Variants in CAD observed in about 807,000 individuals in gnomAD.
CAD encodes the protein multifunctional protein CAD.
CAD carries 81 observed loss-of-function variants against 237.2 expected under a neutral mutation model. The observed-to-expected ratio is 0.34, with a 90% CI of 0.29 to 0.41. CAD has a LOEUF of 0.41. Among genes scored for constraint, CAD ranks in the 10% least tolerant of loss-of-function variants. The probability of loss-of-function intolerance (pLI) is 1.00; values close to 1 mark genes in which losing one functional copy is unlikely to be tolerated. For synonymous variants in CAD, 1,196 were observed against 1,162.8 expected, an observed-to-expected ratio of 1.03 and a Z score of -0.58; for missense variants, 2,181 against 2,951.7, an observed-to-expected ratio of 0.74 and a Z score of 6.05.
chr2:27,237,928 G>C lies in CAD; in HGVS notation c.4728+46G>C. The C allele has an allele frequency of 6.3e-7, 1 of 1,578,912 alleles. No homozygotes were observed. On this transcript the variant is annotated intron_variant, in intron 29 of 43. Transcript: ENST00000264705. This position sits in a 1 kb window ranked among gnomAD's most constrained non-coding sequence, Gnocchi z 4.0. Reference sequence around the variant, plus strand: ...AGGAGGCCACCACCCAGTGTCTCCTGGCTTGTGGGCCCCTGCCTAAGTGGG... The same window carrying C: ...AGGAGGCCACCACCCAGTGTCTCCTCGCTTGTGGGCCCCTGCCTAAGTGGG...
In CAD at chr2:27,233,033, C is replaced by G; in HGVS notation, c.2893-9C>G. 8 of 1,581,390 alleles carry G rather than the reference C, an allele frequency of 5.1e-6. No homozygotes were observed. The highest frequency in any genetic ancestry group is 7.0e-6 in the Non-Finnish European group (8 of 1,150,210). On this transcript the variant is annotated splice_polypyrimidine_tract_variant and intron_variant, in intron 18 of 43. Transcript: ENST00000264705. This position sits in a 1 kb window ranked among gnomAD's most constrained non-coding sequence, Gnocchi z 6.3. The stretch of plus-strand genomic sequence containing the variant: ...TGACTGCTAAGTACCCTTCCCCTCC[C>G]TCTTGCAGATGGGATATAAGACCAT...
At chr2:27,220,419 TG>T (rs1196421769) in intron 2 of CAD, among the ~76,000 whole-genome samples, 1 of 151,556 alleles carries the variant, frequency 6.6e-6, no homozygotes, top group African/African-American at 2.4e-5. Context: ...AAGGCTGAGG[TG>T]GGGGGATCGC....
chr2:27,222,827 A>G, intron 5 of CAD, 39 bp from the exon 6 acceptor site: 2 of 1,606,860 alleles, frequency 1.2e-6, no homozygotes, highest in Non-Finnish European at 1.7e-6. Flanking sequence ...CCTGTAATTG[A>G]AATACTGATT....
rs1572442168 is a variant in CAD at position 27,234,265 on chromosome 2, C to G, written c.3618+39C>G. The G allele has an allele frequency of 4.5e-6, 7 of 1,560,186 alleles. No individual in the cohort carries two copies. The East Asian group carries it at 1.6e-4, about 35-fold the overall frequency. On this transcript the variant is annotated intron_variant, in intron 22 of 43. Transcript: ENST00000264705. ...AGGAAAGAACTAAAGGGCCACAGCT[C>G]TTGCATGTTCTGTGCTGGCCACAGT...
rs780662519 is a variant in CAD at position 27,225,255 on chromosome 2, G to A, written c.1620+12G>A. 6.9e-7 allele frequency: 1 copy of A among 1,455,914 alleles called. No homozygotes were observed. The highest frequency in any genetic ancestry group is 9.6e-7 in the Non-Finnish European group (1 of 1,042,228). The allele number at this position is 1,455,914 out of a possible 1,614,324, so 90.2% of individuals were successfully genotyped here. ...ATTCTCTTGAACAGGTTGGAGGGGT[G>A]TTTGGGTAAAGGAAGAATGGTGGTG... On this transcript the variant is annotated intron_variant, in intron 11 of 43. Coordinates refer to ENST00000264705, the MANE Select transcript of CAD (RefSeq NM_004341.5).
At chr2:27,231,155 G>A (rs529141126) in intron 15 of CAD, among the ~76,000 whole-genome samples, 10 of 152,278 alleles carry the variant, frequency 6.6e-5, no homozygotes, top group Admixed American at 5.9e-4. Flanking sequence ...ACAGGCGCCC[G>A]CCACCACTCC....
At chr2:27,228,922 C>CCT (rs1276274352) in intron 15 of CAD, among the ~76,000 whole-genome samples, 6 of 105,976 alleles carry the variant, frequency 5.7e-5, no homozygotes, top group African/African-American at 2.1e-4. Context: ...TTTTTTTTTT[C>CCT]TTTTTTTTTT....
rs1487152512 is a variant in CAD at position 27,237,885 on chromosome 2, A to C, written c.4728+3A>C. On this transcript the variant is annotated splice_donor_region_variant and intron_variant, in intron 29 of 43. Transcript: ENST00000264705. The surrounding 1 kb of genome is among the most constrained non-coding windows in gnomAD (Gnocchi z 4.0). ...ACAGCGTGGTCCAGTGGATGGAGGTAGGGAGTGTGCATGTGGCAGGAGGCC... is the reference window on the plus strand; with the variant it reads ...ACAGCGTGGTCCAGTGGATGGAGGTCGGGAGTGTGCATGTGGCAGGAGGCC... The C allele has an allele frequency of 1.2e-6, 2 of 1,603,910 alleles. No individual in the cohort carries two copies. The highest frequency in any genetic ancestry group is 1.7e-6 in the Non-Finnish European group (2 of 1,173,506).
chr2:27,241,495 T>G lies in CAD; in HGVS notation c.5883+99T>G. ...TGGTCAGAGTGGGTCTTCCTCCCCC[T>G]GCCATCCCGTCCCCTTATGCTAGTC... On this transcript the variant is annotated intron_variant, in intron 38 of 43. Coordinates refer to ENST00000264705, the MANE Select transcript of CAD (RefSeq NM_004341.5). This position sits in a 1 kb window ranked among gnomAD's most constrained non-coding sequence, Gnocchi z 4.6. The G allele has an allele frequency of 9.1e-7, 1 of 1,096,634 alleles. No individual in the cohort carries two copies. The highest frequency in any genetic ancestry group is 1.4e-6 in the Non-Finnish European group (1 of 718,962). The allele number at this position is 1,096,634 out of a possible 1,614,324, so 67.9% of individuals were successfully genotyped here.
rs992788021 is a variant in CAD at position 27,224,524 on chromosome 2, G to A, written c.1254+34G>A. 5 of 1,606,420 alleles carry A rather than the reference G, an allele frequency of 3.1e-6. No homozygotes were observed. The African/African-American group carries it at 4.0e-5, about 13-fold the overall frequency. On this transcript the variant is annotated intron_variant, in intron 9 of 43. Coordinates refer to ENST00000264705, the MANE Select transcript of CAD (RefSeq NM_004341.5). ...TGTTCCTCCCCACCCTTCTGGGCGT[G>A]TGACCCTCAAGAATGGAAAGGGTCT...
chr2:27,218,493 A>C (rs1674985606), intron 2 of CAD, among the ~76,000 whole-genome samples: 1 of 152,178 alleles, frequency 6.6e-6, no homozygotes, highest in South Asian at 2.1e-4. Context: ...AGATGGGAGC[A>C]GTGCTTTTTA....
At position 27,239,465 on chromosome 2, in the gene CAD, T is replaced by C; in HGVS notation, c.5388T>C (p.Asp1796=). 1.2e-6 allele frequency: 2 copies of C among 1,613,632 alleles called. No individual in the cohort carries two copies. The highest frequency in any genetic ancestry group is 1.7e-6 in the Non-Finnish European group (2 of 1,179,848). The change falls in exon 33 of 44, where the codon GAT becomes GAC. Residue 1796 remains aspartate, a synonymous_variant. Coordinates refer to ENST00000264705, the MANE Select transcript of CAD (RefSeq NM_004341.5). This position sits in a 1 kb window ranked among gnomAD's most constrained non-coding sequence, Gnocchi z 4.0. Reference sequence around the variant, plus strand: ...TGCGAGGGGAGGTTGCCTATATCGATGGGCAGGTACGCAAGTAGCCCCTGC... The same window carrying C: ...TGCGAGGGGAGGTTGCCTATATCGACGGGCAGGTACGCAAGTAGCCCCTGC... The part of the protein sequence containing the change: ...VVLRGEVAYI[D]GQVLVPPGYG...
At chr2:27,229,975 C>T (rs371355795) in intron 15 of CAD, among the ~76,000 whole-genome samples, 8 of 151,808 alleles carry the variant, frequency 5.3e-5, no homozygotes, top group East Asian at 1.9e-4. Flanking sequence ...CAGTGGCACA[C>T]GCCTGTAATC....
rs1676198314 is a variant in CAD, at chr2:27,239,599, C to G, written c.5395-98C>G. On this transcript the variant is annotated intron_variant, in intron 33 of 43. Coordinates refer to ENST00000264705, the MANE Select transcript of CAD (RefSeq NM_004341.5). The surrounding 1 kb of genome is among the most constrained non-coding windows in gnomAD (Gnocchi z 4.0). ...TGCCCTGGACCAGGGGTTGGGGGCA[C>G]AGCTCCCCCAAGGTGCTTTTTGTCC... The G allele has an allele frequency of 3.4e-6, 5 of 1,484,052 alleles. No homozygotes were observed. Among genetic ancestry groups the G allele is most frequent in the Non-Finnish European group, 1.9e-6 (2 of 1,079,910 alleles). The allele number at this position is 1,484,052 out of a possible 1,614,324, so 91.9% of individuals were successfully genotyped here.
chr2:27,225,732 T>C lies in CAD; in HGVS notation c.1648T>C (p.Tyr550His), dbSNP rs762543239. The C allele has an allele frequency of 2.5e-6, 4 of 1,613,924 alleles. No individual in the cohort carries two copies. Among genetic ancestry groups the C allele is most frequent in the Admixed American group, 1.7e-5 (1 of 60,020 alleles). ...CCAGGCAGCCGCTGAACGGCTGGGG[T>C]ACCCTGTGCTAGTGCGTGCAGCCTT... ...QAQAAAERLG[Y>H]PVLVRAAFAL... is the part of the protein sequence containing the mutation. The change falls in exon 12 of 44, where the codon TAC becomes CAC. Residue 550 changes from tyrosine to histidine, a missense_variant. Physicochemically the swap from Tyr to His is moderately conservative, Grantham distance 83. Coordinates refer to ENST00000264705, the MANE Select transcript of CAD (RefSeq NM_004341.5).
At position 27,232,854 on chromosome 2, in the gene CAD, G is replaced by A. The variant is rs878997231; in HGVS notation, c.2892+160G>A. Among the ~76,000 whole-genome samples the A allele has an allele frequency of 6.6e-6, 1 of 152,074 alleles. No individual in the cohort carries two copies. The highest frequency in any genetic ancestry group is 1.5e-5 in the Non-Finnish European group (1 of 68,012). ...TTAGGCCATCTCTCATGCCCCACACGGTATATGAATCTCTTCCCCAACACT... is the reference window on the plus strand; with the variant it reads ...TTAGGCCATCTCTCATGCCCCACACAGTATATGAATCTCTTCCCCAACACT... On this transcript the variant is annotated intron_variant, in intron 18 of 43. Coordinates refer to ENST00000264705, the MANE Select transcript of CAD (RefSeq NM_004341.5). The surrounding 1 kb of genome is among the most constrained non-coding windows in gnomAD (Gnocchi z 4.1).
chr2:27,241,403 A>T lies in CAD; in HGVS notation c.5883+7A>T, dbSNP rs554841982. ...GAGCCTCGACATCCTGAAGGTCAGG[A>T]TCAGGGCCGGGGGTAGGGTCCAGGC... On this transcript the variant is annotated splice_region_variant and intron_variant, in intron 38 of 43. Transcript: ENST00000264705. This position sits in a 1 kb window ranked among gnomAD's most constrained non-coding sequence, Gnocchi z 4.6. The T allele has an allele frequency of 6.2e-7, 1 of 1,614,060 alleles. No individual in the cohort carries two copies. Among genetic ancestry groups the T allele is most frequent in the East Asian group, 2.2e-5 (1 of 44,876 alleles).
At position 27,243,585 on chromosome 2, in the gene CAD, C is replaced by T. The variant is rs1425568712; in HGVS notation, c.*67C>T. ...GGGCAAGGAATTCCAGTGCCTCCTA[C>T]GGGGGCAGCACACTTAGATATTCCT... On this transcript the variant is annotated 3_prime_UTR_variant, in exon 44 of 44. Transcript: ENST00000264705. The T allele has an allele frequency of 1.1e-5, 13 of 1,153,998 alleles. No homozygotes were observed. Among genetic ancestry groups the T allele is most frequent in the South Asian group, 4.0e-5 (3 of 74,938 alleles). 71.5% of individuals were successfully genotyped at this position (1,153,998 alleles called of 1,614,324 possible).
chr2:27,233,284 AC>A lies in CAD; in HGVS notation c.2992-26del. 1 of 1,597,820 alleles carries A rather than the reference AC, an allele frequency of 6.3e-7. No homozygotes were observed. The highest frequency in any genetic ancestry group is 8.6e-7 in the Non-Finnish European group (1 of 1,165,414). ...CAGATTCCTGCCCTCTTTTGCTGCC[AC>A]CACTTGTTTCTCCCCCTGCAACGTA... On this transcript the variant is annotated intron_variant, in intron 19 of 43. Transcript: ENST00000264705. This position sits in a 1 kb window ranked among gnomAD's most constrained non-coding sequence, Gnocchi z 6.3.
Sources: allele counts gnomAD v4.1 joint callset (sites outside exome capture counted in the v4.1 genomes callset), GRCh38; gene constraint gnomAD v4.1.1; non-coding constraint Gnocchi (gnomAD v3.1); transcripts MANE v1.5; gene names NCBI Gene and HGNC (gene_info 2026-07-23, HGNC 2026-07-21).